The following ADGRV1 variants were observed in gnomAD, a reference collection of about 807,000 sequenced individuals.
The protein encoded by ADGRV1 is adhesion G protein-coupled receptor V1.
In ADGRV1, 359 loss-of-function variants were observed where a neutral mutation model predicts 596.2. The ratio of observed to expected loss-of-function variants is 0.60; its 90% confidence interval spans 0.55 to 0.66. The LOEUF is 0.66. ADGRV1 is among the 30% of genes least tolerant of loss of function. The pLI is 0.00. For missense variants in ADGRV1, 7,274 were observed against 7,575.6 expected (o/e 0.96, Z 1.48); for synonymous variants, 2,681 against 2,679.2 (o/e 1.00, Z -0.02).
chr5:90,628,781 A>G lies in ADGRV1; in HGVS notation c.1458A>G (p.Gln486=). The G allele has an allele frequency of 6.2e-7, 1 of 1,614,014 alleles. No individual in the cohort carries two copies. The highest frequency in any genetic ancestry group is 8.5e-7 in the Non-Finnish European group (1 of 1,179,872). The change falls in exon 8 of 90, where the codon CAA becomes CAG. Residue 486 remains glutamine, a synonymous_variant. Transcript: ENST00000405460. The part of the protein sequence containing the change: ...LPEEAEAYLL[Q]ILPHTIRGGA... ...AAGAGGCAGAAGCTTATCTACTTCA[A>G]ATTCTGCCTCATACAATACGAGGAG...
chr5:90,928,560 C>T (rs1034447519), intron 83 of ADGRV1, among the ~76,000 whole-genome samples: 5 of 150,458 alleles, frequency 3.3e-5, no homozygotes, highest in Non-Finnish European at 5.9e-5. Flanking sequence ...TTTTCAACTT[C>T]TTTGCCTTTG....
intron 83 of ADGRV1, among the ~76,000 whole-genome samples, chr5:90,919,335 A>T (rs1044117288): frequency 1.2e-4 from 19 of 152,338 alleles, no homozygotes; most frequent in Non-Finnish European, 2.1e-4. Context: ...TTTTCTGATT[A>T]CTAGACAGAT....
chr5:90,930,649 G>C lies in ADGRV1; in HGVS notation c.17857-34766G>C, dbSNP rs12109698. Among the ~76,000 whole-genome samples, 772 of 152,170 alleles carry C rather than the reference G, an allele frequency of 5.1e-3. 8 individuals carry two copies. The highest frequency in any genetic ancestry group is 0.018 in the African/African-American group (733 of 41,510). On this transcript the variant is annotated intron_variant, in intron 83 of 89. Coordinates refer to ENST00000405460, the MANE Select transcript of ADGRV1 (RefSeq NM_032119.4). ...ACTAGAGAGTTATTTCTAAATTTAC[G>C]TGAGTCCAAATTTTCAAGCAGAAAC...
At chr5:90,917,074 C>T (rs944854546) in intron 83 of ADGRV1, among the ~76,000 whole-genome samples, 7 of 152,038 alleles carry the variant, frequency 4.6e-5, no homozygotes, top group African/African-American at 1.7e-4. Context: ...CAGACCATAT[C>T]GAAAAGAATG....
chr5:90,991,577 C>T (rs1398799551), intron 85 of ADGRV1, among the ~76,000 whole-genome samples: 1 of 152,126 alleles, frequency 6.6e-6, no homozygotes, highest in African/African-American at 2.4e-5. Flanking sequence ...TCATGTCCAG[C>T]CTAGTTTTTT....
chr5:90,932,389 T>C (rs1775327003), intron 83 of ADGRV1, among the ~76,000 whole-genome samples: 1 of 152,198 alleles, frequency 6.6e-6, no homozygotes, highest in South Asian at 2.1e-4. Flanking sequence ...TTTTGTGTTT[T>C]TGTTACTAAG....
chr5:90,711,146 T>C, intron 40 of ADGRV1, 38 bp from the exon 41 acceptor site: 1 of 1,567,948 alleles, frequency 6.4e-7, no homozygotes, highest in Non-Finnish European at 8.7e-7. Flanking sequence ...GAAAAATTAA[T>C]TTTTTTTGTT....
At chr5:90,607,475 G>A (rs1379253735) in intron 1 of ADGRV1, among the ~76,000 whole-genome samples, 2 of 152,030 alleles carry the variant, frequency 1.3e-5, no homozygotes, top group East Asian at 3.9e-4. Flanking sequence ...CGTGTTTGTG[G>A]GTTAGGATCC....
In ADGRV1 at chr5:90,840,558, T is replaced by C. The variant is rs201770109; in HGVS notation, c.16612-20T>C. Reference sequence around the variant, plus strand: ...CAGAGGTGTCATAGATTCACTTAAATGGTGTTGTTTAATTTCTAGGAGTTG... The same window carrying C: ...CAGAGGTGTCATAGATTCACTTAAACGGTGTTGTTTAATTTCTAGGAGTTG... On this transcript the variant is annotated intron_variant, in intron 77 of 89. Coordinates refer to ENST00000405460, the MANE Select transcript of ADGRV1 (RefSeq NM_032119.4). 9 of 1,557,068 alleles carry C rather than the reference T, an allele frequency of 5.8e-6. No homozygotes were observed. In the East Asian group the frequency reaches 2.0e-4, roughly 35 times the overall value.
intron 85 of ADGRV1, among the ~76,000 whole-genome samples, chr5:91,015,747 A>T (rs1350282224): frequency 1.3e-5 from 2 of 151,896 alleles, no homozygotes; most frequent in African/African-American, 4.8e-5. Context: ...ATTTTCTTCC[A>T]TCTCTCTATT....
At chr5:91,000,668 C>CTGTGTGTGTG (rs6149110) in intron 85 of ADGRV1, among the ~76,000 whole-genome samples, 2,361 of 141,200 alleles carry the variant, frequency 0.017, 30 homozygotes, top group East Asian at 0.054. Flanking sequence ...CTTACAGGAT[C>CTGTGTGTGTG]TGTGTGTGTG....
At chr5:90,606,853 C>A (rs553990224) in intron 1 of ADGRV1, among the ~76,000 whole-genome samples, 83 of 152,196 alleles carry the variant, frequency 5.5e-4, no homozygotes, top group Non-Finnish European at 9.4e-4. Context: ...GATTGCTGAT[C>A]CTATATTTTC....
chr5:90,930,118 C>A (rs947225857), intron 83 of ADGRV1, among the ~76,000 whole-genome samples: 1 of 152,004 alleles, frequency 6.6e-6, no homozygotes, highest in Non-Finnish European at 1.5e-5. Flanking sequence ...ATTTGTCTAG[C>A]AAATCTTTGG....
At chr5:91,035,142 A>T (rs2697548) in intron 85 of ADGRV1, among the ~76,000 whole-genome samples, 1 of 151,996 alleles carries the variant, frequency 6.6e-6, no homozygotes, top group Non-Finnish European at 1.5e-5. Flanking sequence ...CCAGCCCTAT[A>T]CTTCTTCCAC....
intron 1 of ADGRV1, among the ~76,000 whole-genome samples, chr5:90,612,473 G>C (rs1762832914): frequency 6.6e-6 from 1 of 151,978 alleles, no homozygotes; most frequent in Non-Finnish European, 1.5e-5. Context: ...ATTGGGTAGA[G>C]AGTTTGGAGT....
chr5:91,126,423 TA>T (rs1793761588), intron 87 of ADGRV1, among the ~76,000 whole-genome samples: 1 of 152,224 alleles, frequency 6.6e-6, no homozygotes. Flanking sequence ...AAGACTATGG[TA>T]AAAGCCAGCA....
intron 85 of ADGRV1, among the ~76,000 whole-genome samples, chr5:90,993,154 CTTTTTTTTTT>C (rs1235025923): frequency 1.0e-5 from 1 of 97,640 alleles, no homozygotes; most frequent in Admixed American, 1.2e-4. Context: ...TTGGTTTTCA[CTTTTTTTTTT>C]TTTTTTTTTT....
Position 90,994,088 on chromosome 5 carries a change from G to A in ADGRV1, c.18152+8566G>A, listed in dbSNP as rs375099804. ...TTTTTTTTTTTGGAGACAGAGTTTC[G>A]CTCTTGTCATCCAGGCTGGACTGGA... On this transcript the variant is annotated intron_variant, in intron 85 of 89. Coordinates refer to ENST00000405460, the MANE Select transcript of ADGRV1 (RefSeq NM_032119.4). 3.5e-3 allele frequency among the ~76,000 whole-genome samples: 505 copies of A among 144,962 alleles called. 3 individuals are homozygous for A. The highest frequency in any genetic ancestry group is 7.2e-3 in the Middle Eastern group (2 of 276).
intron 86 of ADGRV1, among the ~76,000 whole-genome samples, chr5:91,077,442 T>A (rs1005627203): frequency 3.3e-5 from 5 of 152,260 alleles, no homozygotes; most frequent in Non-Finnish European, 7.3e-5. Context: ...TTACACCGTG[T>A]ATTTTGAGTG....
Sources: allele counts gnomAD v4.1 joint callset (sites outside exome capture counted in the v4.1 genomes callset), GRCh38; gene constraint gnomAD v4.1.1; transcripts MANE v1.5; gene names NCBI Gene and HGNC (gene_info 2026-07-23, HGNC 2026-07-21).